Variants in SLC22A17 observed in about 807,000 individuals in gnomAD.
SLC22A17 encodes the protein 24p3 receptor.
Under a neutral mutation model 53.6 loss-of-function variants are expected in SLC22A17, and 38 were observed. The observed-to-expected ratio is 0.71, with a 90% confidence interval of 0.55 to 0.93. The LOEUF (loss-of-function observed/expected upper bound fraction) is 0.93. SLC22A17 is among the 40% of genes least tolerant of loss of function. SLC22A17 has a pLI of 0.00. For synonymous variants in SLC22A17, 379 were observed against 353.0 expected, an observed-to-expected ratio of 1.07 and a Z score of -0.82; for missense variants, 704 against 791.0, an observed-to-expected ratio of 0.89 and a Z score of 1.32.
chr14:23,349,271 C>T lies in SLC22A17; in HGVS notation c.859+1G>A, dbSNP rs1230128511. On this transcript the variant is annotated splice_donor_variant, in intron 4 of 9. Coordinates refer to ENST00000397267, the Ensembl canonical transcript of SLC22A17. LOFTEE classifies it high-confidence loss of function. ...GGGAATTCTGGGAGGGTGCCACTTACGCATCAGGTAGACACCCAGGTCAAC... is the reference window on the plus strand; with the variant it reads ...GGGAATTCTGGGAGGGTGCCACTTATGCATCAGGTAGACACCCAGGTCAAC... 6 of 1,613,816 alleles carry T rather than the reference C, an allele frequency of 3.7e-6. No homozygotes were observed. Among genetic ancestry groups the T allele is most frequent in the Admixed American group, 3.3e-5 (2 of 59,984 alleles).
exon 10 of SLC22A17, chr14:23,346,864 G>A (rs1418572046): frequency 3.2e-6 from 5 of 1,539,016 alleles, no homozygotes; most frequent in Admixed American, 1.9e-5. Flanking sequence ...CATGGCCCAT[G>A]TGGAGGCGCT....
rs2138514547 is a variant in SLC22A17 at position 23,348,705 on chromosome 14, G to A, written c.860-34C>T. Reference sequence around the variant, plus strand: ...ACAGCAGGGGTGGAGAGAGGAGAGGGAGGCCAGGGAGGAAGAAGGCATAAG... The same window carrying A: ...ACAGCAGGGGTGGAGAGAGGAGAGGAAGGCCAGGGAGGAAGAAGGCATAAG... On this transcript the variant is annotated intron_variant, in intron 4 of 9. Transcript: ENST00000397267. The surrounding 1 kb of genome is among the most constrained non-coding windows in gnomAD (Gnocchi z 4.5). 1 of 1,569,356 alleles carries A rather than the reference G, an allele frequency of 6.4e-7. No individual in the cohort carries two copies. Among genetic ancestry groups the A allele is most frequent in the East Asian group, 2.2e-5 (1 of 44,528 alleles).
rs1433880536 is a variant in SLC22A17 at position 23,352,382 on chromosome 14, C to G, written c.166G>C (p.Gly56Arg). 1 of 702,334 alleles carries G rather than the reference C, an allele frequency of 1.4e-6. No homozygotes were observed. Among genetic ancestry groups the G allele is most frequent in the South Asian group, 2.8e-5 (1 of 35,114 alleles). 43.5% of individuals were successfully genotyped at this position (702,334 alleles called of 1,614,324 possible). Reference sequence around the variant, plus strand: ...CCGTCGCCGCCCGCGTCTCCCTCCCCCTCCCGCTCGCGCTCCCGCTCACCC... The same window carrying G: ...CCGTCGCCGCCCGCGTCTCCCTCCCGCTCCCGCTCGCGCTCCCGCTCACCC... Residue 56 changes from glycine (G) to arginine (R), a missense_variant, in exon 2 of 10, where the codon GGG becomes CGG. Around this residue, in one of 4 missense-constraint regions of SLC22A17, gnomAD observed 42 missense variants for 28.2 expected, o/e 1.49. Coordinates refer to ENST00000397267, the Ensembl canonical transcript of SLC22A17. The surrounding 1 kb of genome is among the most constrained non-coding windows in gnomAD (Gnocchi z 7.2).
chr14:23,347,253 G>A lies in SLC22A17; in HGVS notation c.1550-41C>T, dbSNP rs145366616. ...GGATGATATGAATGCAGGTGGGGAG[G>A]TCAAGGCTGGCCTAGTCCCGGGTGT... On this transcript the variant is annotated intron_variant, in intron 8 of 9. Transcript: ENST00000397267. This position sits in a 1 kb window ranked among gnomAD's most constrained non-coding sequence, Gnocchi z 5.1. 7.8e-3 allele frequency: 12,279 copies of A among 1,572,096 alleles called. 77 individuals carry two copies. The highest frequency in any genetic ancestry group is 9.7e-3 in the Non-Finnish European group (11,117 of 1,151,462).
exon 10 of SLC22A17, chr14:23,346,721 G>T: frequency 6.5e-7 from 1 of 1,544,950 alleles, no homozygotes. Context: ...CCGCAGCAGG[G>T]AAGGCCGGCG....
chr14:23,351,191 T>C (rs936896440), intron 3 of SLC22A17: 1 of 152,632 alleles, frequency 6.6e-6, no homozygotes, highest in East Asian at 1.9e-4. Context: ...TGCTAATCTA[T>C]GGGCTATTCC....
chr14:23,348,208 C>A lies in SLC22A17; in HGVS notation c.1124G>T (p.Arg375Leu). ...CTCCCCCAGCATCTGCCCATGGGGC[C>A]GGTTTCGCTCAGCCAGGATCCTCAG... The change falls in exon 6 of 10, where the codon CGG (arginine) becomes CTG (leucine). Residue 375 changes from arginine (R) to leucine (L), a missense_variant. Around this residue, in one of 4 missense-constraint regions of SLC22A17, gnomAD observed 435 missense variants for 529.0 expected, o/e 0.82. Transcript: ENST00000397267. The surrounding 1 kb of genome is among the most constrained non-coding windows in gnomAD (Gnocchi z 4.5). 2 of 1,614,114 alleles carry A rather than the reference C, an allele frequency of 1.2e-6. No homozygotes were observed. The highest frequency in any genetic ancestry group is 1.6e-4 in the Middle Eastern group (1 of 6,062).
rs1889431814 is a variant in SLC22A17 at position 23,348,914 on chromosome 14, C to T, written c.860-243G>A. On this transcript the variant is annotated intron_variant, in intron 4 of 9. Transcript: ENST00000397267. This position sits in a 1 kb window ranked among gnomAD's most constrained non-coding sequence, Gnocchi z 4.5. ...GCCAGAGTCCTGGGTGAGTGTTCAA[C>T]ATTTCCAATTTATAGGCCCTTTCCC... is the stretch of plus-strand genomic sequence containing the variant. 1 of 599,092 alleles carries T rather than the reference C, an allele frequency of 1.7e-6. No individual in the cohort carries two copies. The highest frequency in any genetic ancestry group is 1.9e-5 in the African/African-American group (1 of 53,974). The allele number at this position is 599,092 out of a possible 1,614,324, so 37.1% of individuals were successfully genotyped here.
At position 23,348,295 on chromosome 14, in the gene SLC22A17, A is replaced by C. The variant is rs775972576; in HGVS notation, c.1037T>G (p.Leu346Trp). Residue 346 changes from leucine (L) to tryptophan (W), a missense_variant, in exon 6 of 10, where the codon TTG becomes TGG. Coordinates refer to ENST00000397267, the Ensembl canonical transcript of SLC22A17. The surrounding 1 kb of genome is among the most constrained non-coding windows in gnomAD (Gnocchi z 4.5). ...CAGCCACCGTGCGGACTCCAGGAAC[A>C]AACCAGGCCAGCTGGGGGCAGGGGG... is the stretch of plus-strand genomic sequence containing the variant. 1 of 1,614,048 alleles carries C rather than the reference A, an allele frequency of 6.2e-7. No homozygotes were observed. The highest frequency in any genetic ancestry group is 1.1e-5 in the South Asian group (1 of 91,078).
chr14:23,348,601 C>T lies in SLC22A17; in HGVS notation c.930G>A (p.Gly310=), dbSNP rs1889402281. ...GGGCCAGGCCCAGGAACAGGAAGTG[C>T]CCTCCCACCCCCACCAACTCCCCTG... Residue 310 remains glycine (G), a synonymous_variant, in exon 5 of 10, where the codon GGG becomes GGA. Coordinates refer to ENST00000397267, the Ensembl canonical transcript of SLC22A17. The surrounding 1 kb of genome is among the most constrained non-coding windows in gnomAD (Gnocchi z 4.5). 6.2e-7 allele frequency: 1 copy of T among 1,614,032 alleles called. No homozygotes were observed.
chr14:23,352,166 AGTGGCAATGCAGC>A lies in SLC22A17; in HGVS notation c.369_381del (p.Leu124ThrfsTer27). The A allele has an allele frequency of 6.5e-7, 1 of 1,541,850 alleles. No homozygotes were observed. Among genetic ancestry groups the A allele is most frequent in the Non-Finnish European group, 8.7e-7 (1 of 1,148,556 alleles). ...GAGGCATTAGGGGGGAAGGCCCCGTAGTGGCAATGCAGCGGGGGCGCCAGCGTGAAGATGGGGT... is the reference window on the plus strand; with the variant it reads ...GAGGCATTAGGGGGGAAGGCCCCGTAGGGGGCGCCAGCGTGAAGATGGGGT... On this transcript the variant is annotated frameshift_variant, in exon 2 of 10. Coordinates refer to ENST00000397267, the Ensembl canonical transcript of SLC22A17. LOFTEE classifies it high-confidence loss of function. The surrounding 1 kb of genome is among the most constrained non-coding windows in gnomAD (Gnocchi z 7.2).
At chr14:23,349,122 G>A (rs781595000) in intron 4 of SLC22A17, 150 bp downstream of exon 4, 3 of 975,038 alleles carry the variant, frequency 3.1e-6, no homozygotes, top group East Asian at 2.5e-5. Flanking sequence ...AGAAGCAAGA[G>A]CCCTGGATTC....
Position 23,352,443 on chromosome 14 carries a change from C to G in SLC22A17, c.105G>C (p.Gly35=). 1 of 464,208 alleles carries G rather than the reference C, an allele frequency of 2.2e-6. No homozygotes were observed. The highest frequency in any genetic ancestry group is 3.5e-5 in the East Asian group (1 of 28,418). The allele number at this position is 464,208 out of a possible 1,614,324, so 28.8% of individuals were successfully genotyped here. ...CCGTGGGCACCGCATCTCCGAGGGT[C>G]CCGACCTGCTGTTGGGGGGCAGGGG... The change falls in exon 2 of 10, where the codon GGG becomes GGC. Residue 35 remains glycine, a synonymous_variant. Coordinates refer to ENST00000397267, the Ensembl canonical transcript of SLC22A17. The surrounding 1 kb of genome is among the most constrained non-coding windows in gnomAD (Gnocchi z 7.2).
rs761899039 is a variant in SLC22A17, at chr14:23,348,494, G to A, written c.1025+12C>T. 42 of 1,612,442 alleles carry A rather than the reference G, an allele frequency of 2.6e-5. No homozygotes were observed. In the South Asian group the frequency reaches 4.5e-4, roughly 17 times the overall value. On this transcript the variant is annotated intron_variant, in intron 5 of 9. Coordinates refer to ENST00000397267, the Ensembl canonical transcript of SLC22A17. The surrounding 1 kb of genome is among the most constrained non-coding windows in gnomAD (Gnocchi z 4.5). ...GGGAATTGCCAGACGACAGGTGAAG[G>A]GTAATACTGACCCATAAAACAGGAA...
chr14:23,351,425 G>A (rs927590539), intron 3 of SLC22A17: 3 of 248,944 alleles, frequency 1.2e-5, no homozygotes, highest in East Asian at 1.7e-4. Context: ...GAGATGGAGC[G>A]AACAGTCCAT....
At position 23,347,747 on chromosome 14, in the gene SLC22A17, G is replaced by C. The variant is rs373040669; in HGVS notation, c.1278-16C>G. 6.2e-7 allele frequency: 1 copy of C among 1,612,286 alleles called. No individual in the cohort carries two copies. On this transcript the variant is annotated splice_polypyrimidine_tract_variant and intron_variant, in intron 7 of 9. Transcript: ENST00000397267. The surrounding 1 kb of genome is among the most constrained non-coding windows in gnomAD (Gnocchi z 5.1). ...GGCAATGAAGCTGTGAGAAGGGGTG[G>C]GGAAGCAACGAACAGAGCCTGAATC...
At position 23,348,164 on chromosome 14, in the gene SLC22A17, G is replaced by A; in HGVS notation, c.1168C>T (p.Gln390Ter). 6.2e-7 allele frequency: 1 copy of A among 1,613,912 alleles called. No homozygotes were observed. The highest frequency in any genetic ancestry group is 8.5e-7 in the Non-Finnish European group (1 of 1,179,936). Residue 390 changes from glutamine (Q) to a stop codon, truncating the protein, a stop_gained, in exon 6 of 10, where the codon CAG becomes TAG. Coordinates refer to ENST00000397267, the Ensembl canonical transcript of SLC22A17. LOFTEE classifies it high-confidence loss of function. The surrounding 1 kb of genome is among the most constrained non-coding windows in gnomAD (Gnocchi z 4.5). ...CACAGGGATCCCTGTCTCTTACCCT[G>A]CAGGGCCTCCTGGGCCTCCTCCCCC... is the stretch of plus-strand genomic sequence containing the variant.
chr14:23,347,127 A>T lies in SLC22A17; in HGVS notation c.1635T>A (p.Ala545=), dbSNP rs1205279406. Residue 545 remains alanine, a synonymous_variant, in exon 9 of 10, where the codon GCT becomes GCA. Transcript: ENST00000397267. This position sits in a 1 kb window ranked among gnomAD's most constrained non-coding sequence, Gnocchi z 5.1. ...GGACAGTGGTGGGGATGACCTCAGC[A>T]GCAAGGAGGGTGCTGAGGATGGCGG... The T allele has an allele frequency of 6.2e-7, 1 of 1,613,778 alleles. No individual in the cohort carries two copies. The highest frequency in any genetic ancestry group is 8.5e-7 in the Non-Finnish European group (1 of 1,179,948).
At chr14:23,351,648 A>G (rs1889626319) in intron 3 of SLC22A17, 104 bp downstream of exon 3, 3 of 845,964 alleles carry the variant, frequency 3.5e-6, no homozygotes, top group Non-Finnish European at 5.7e-6. Context: ...AAGACTGCAG[A>G]GTCCAGCGAA....
Sources: gnomAD v4.1 joint callset for allele counts on GRCh38, gnomAD v4.1.1 for gene constraint, gnomAD v4.1.1 regional missense constraint, Gnocchi (gnomAD v3.1) non-coding constraint, MANE v1.5 for transcripts, NCBI Gene and HGNC (gene_info 2026-07-23, HGNC 2026-07-21) for gene names.